PRR14L: variants seen among roughly 807,000 people sequenced by gnomAD.
The protein encoded by PRR14L is protein PRR14L.
A neutral mutation model predicts 155.0 loss-of-function variants in PRR14L; 80 were observed. That is an observed-to-expected ratio of 0.52 (90% CI 0.43 to 0.62). The LOEUF (loss-of-function observed/expected upper bound fraction) is 0.62, where lower values mean the gene tolerates loss of function less well. PRR14L is among the 20% of genes least tolerant of loss of function. The pLI is 0.00. For missense variants in PRR14L, 2,469 were observed against 2,548.0 expected, an observed-to-expected ratio of 0.97 and a Z score of 0.67; for synonymous variants, 883 against 916.0, an observed-to-expected ratio of 0.96 and a Z score of 0.65.
intron 2 of PRR14L, among the ~76,000 whole-genome samples, chr22:31,727,234 C>CTT (rs397831840): frequency 0.01 from 1,413 of 136,712 alleles, 29 homozygotes; most frequent in African/African-American, 0.034. Context: ...AGCCACAATT[C>CTT]TTTTTTTTTT....
chr22:31,706,516 G>C (rs1024728271), intron 4 of PRR14L, among the ~76,000 whole-genome samples: 2 of 148,394 alleles, frequency 1.3e-5, no homozygotes, highest in Admixed American at 1.4e-4. Context: ...CCTCTACCTT[G>C]TGGGTTCAAG....
At chr22:31,734,518 G>A (rs1247324792) in intron 2 of PRR14L, among the ~76,000 whole-genome samples, 2 of 152,150 alleles carry the variant, frequency 1.3e-5, no homozygotes, top group African/African-American at 4.8e-5. Flanking sequence ...TTTTCTGAAA[G>A]GTCTGCAGTG....
Position 31,712,624 on chromosome 22 carries a change from G to C in PRR14L, c.5215C>G (p.Pro1739Ala). The change falls in exon 4 of 9, where the codon CCT becomes GCT. Residue 1739 changes from proline to alanine, a missense_variant. Pro to Ala is a conservative substitution (Grantham distance 27, BLOSUM62 -1). This residue lies in a region of PRR14L where 2,363 missense variants were observed against 2,371.6 expected (regional missense o/e 1.00). Transcript: ENST00000327423. The part of the protein sequence containing the change: ...DCTTESSRTF[P>A]EHCAPARLAL... ...AGCCTTGCCGGAGCACAGTGCTCAG[G>C]AAAAGTCCTTGAGGACTCAGTCGTG... 1 of 1,551,774 alleles carries C rather than the reference G, an allele frequency of 6.4e-7. No individual in the cohort carries two copies. The highest frequency in any genetic ancestry group is 8.7e-7 in the Non-Finnish European group (1 of 1,147,006).
At chr22:31,743,098 C>T (rs1006201399) in intron 1 of PRR14L, among the ~76,000 whole-genome samples, 5 of 151,986 alleles carry the variant, frequency 3.3e-5, no homozygotes, top group African/African-American at 1.2e-4. Flanking sequence ...GTCAGGAGTT[C>T]GAGACCATCC....
chr22:31,714,688 C>T lies in PRR14L; in HGVS notation c.3151G>A (p.Gly1051Ser), dbSNP rs1251970673. The change falls in exon 4 of 9, where the codon GGT (glycine) becomes AGT (serine). Residue 1051 changes from glycine (G) to serine (S), a missense_variant. Gly to Ser is a moderately conservative substitution (Grantham distance 56). Transcript: ENST00000327423. ...KMSGCDESTE[G>S]MVDIVYTDCS... Reference sequence around the variant, plus strand: ...TCCGTGTAGACGATGTCTACCATACCTTCTGTGGACTCATCACAACCAGAC... The same window carrying T: ...TCCGTGTAGACGATGTCTACCATACTTTCTGTGGACTCATCACAACCAGAC... 7.7e-6 allele frequency: 12 copies of T among 1,552,212 alleles called. No individual in the cohort carries two copies. The highest frequency in any genetic ancestry group is 6.1e-6 in the Non-Finnish European group (7 of 1,147,134).
intron 4 of PRR14L, among the ~76,000 whole-genome samples, chr22:31,711,260 GC>G (rs1449113316): frequency 6.6e-6 from 1 of 152,074 alleles, no homozygotes; most frequent in Non-Finnish European, 1.5e-5. Flanking sequence ...ATCACCGGAC[GC>G]CAGGAGTTCA....
chr22:31,691,412 G>A (rs2074511046), intron 7 of PRR14L, among the ~76,000 whole-genome samples: 1 of 151,846 alleles, frequency 6.6e-6, no homozygotes, highest in Non-Finnish European at 1.5e-5. Flanking sequence ...GTAGAGATGT[G>A]GTCTCACTAT....
In PRR14L at chr22:31,730,352, T is replaced by C. The variant is rs889575132; in HGVS notation, c.475-4742A>G. Among the ~76,000 whole-genome samples, 11 of 152,016 alleles carry C rather than the reference T, an allele frequency of 7.2e-5. 1 individual carries two copies. Among genetic ancestry groups the C allele is most frequent in the South Asian group, 4.1e-4 (2 of 4,824 alleles). On this transcript the variant is annotated intron_variant, in intron 2 of 8. Coordinates refer to ENST00000327423, the MANE Select transcript of PRR14L (RefSeq NM_173566.3). ...ACTCAGGAGGCTGAAGCAGAAAAAC[T>C]GTTTGAACCGGGACCCGGGAGGCGA...
intron 3 of PRR14L, among the ~76,000 whole-genome samples, chr22:31,717,741 C>A (rs971272677): frequency 6.6e-6 from 1 of 152,012 alleles, no homozygotes; most frequent in East Asian, 1.9e-4. Flanking sequence ...ACAACTATAC[C>A]TAAAACTTTA....
intron 2 of PRR14L, among the ~76,000 whole-genome samples, chr22:31,733,558 GCCC>G (rs944510673): frequency 6.6e-6 from 1 of 151,992 alleles, no homozygotes; most frequent in Admixed American, 6.6e-5. Flanking sequence ...ACCCGCCTCG[GCCC>G]CCCGAAGCGC....
At chr22:31,737,626 A>G (rs990348666) in intron 2 of PRR14L, among the ~76,000 whole-genome samples, 1 of 141,058 alleles carries the variant, frequency 7.1e-6, no homozygotes, top group Non-Finnish European at 1.6e-5. Flanking sequence ...TGCCTCTATT[A>G]AAAAAAAAAA....
In PRR14L at chr22:31,738,382, C is replaced by T; in HGVS notation, c.474+5G>A. ...ACTCTTCGGAATGGAGATTTCATTT[C>T]TTACCTGACTCGGGCTAGTCTTTTC... On this transcript the variant is annotated splice_donor_5th_base_variant and intron_variant, in intron 2 of 8. Transcript: ENST00000327423. The T allele has an allele frequency of 6.5e-7, 1 of 1,549,896 alleles. No individual in the cohort carries two copies. The highest frequency in any genetic ancestry group is 8.7e-7 in the Non-Finnish European group (1 of 1,145,438).
chr22:31,713,742 C>A lies in PRR14L; in HGVS notation c.4097G>T (p.Gly1366Val). ...CTGAGAGATGTTGCTCACGGGATCGCCATCGCCAGTTTCTCTGGTAACCAA... is the reference window on the plus strand; with the variant it reads ...CTGAGAGATGTTGCTCACGGGATCGACATCGCCAGTTTCTCTGGTAACCAA... ...EELVTRETGD[G>V]DPVSNISQTH... Residue 1366 changes from glycine to valine, a missense_variant, in exon 4 of 9, where the codon GGC becomes GTC. Around this residue, in one of 2 missense-constraint regions of PRR14L, gnomAD observed 2,363 missense variants for 2,371.6 expected, o/e 1.00. Coordinates refer to ENST00000327423, the MANE Select transcript of PRR14L (RefSeq NM_173566.3). 6.4e-7 allele frequency: 1 copy of A among 1,552,364 alleles called. No individual in the cohort carries two copies. The highest frequency in any genetic ancestry group is 8.7e-7 in the Non-Finnish European group (1 of 1,147,144).
intron 4 of PRR14L, among the ~76,000 whole-genome samples, chr22:31,708,917 C>T (rs1294208819): frequency 6.6e-6 from 1 of 152,142 alleles, no homozygotes; most frequent in Non-Finnish European, 1.5e-5. Context: ...ACCTCCAACT[C>T]CTGGGTTTAA....
intron 3 of PRR14L, among the ~76,000 whole-genome samples, chr22:31,725,192 C>T (rs570658528): frequency 2.6e-5 from 4 of 152,100 alleles, no homozygotes; most frequent in South Asian, 2.1e-4. Context: ...CCCAGGAGTT[C>T]GAGACCAGCC....
chr22:31,707,409 C>T (rs1454268866), intron 4 of PRR14L, among the ~76,000 whole-genome samples: 1 of 152,118 alleles, frequency 6.6e-6, no homozygotes, highest in African/African-American at 2.4e-5. Flanking sequence ...GAGACGGAGA[C>T]TCGCTCTGTC....
intron 4 of PRR14L, 131 bp downstream of exon 4, chr22:31,711,952 G>C (rs1046633709): frequency 3.6e-6 from 3 of 827,926 alleles, no homozygotes; most frequent in Non-Finnish European, 5.5e-6. Flanking sequence ...CAGAGATTTC[G>C]CAAGGTAAAT....
intron 2 of PRR14L, among the ~76,000 whole-genome samples, chr22:31,737,794 C>T (rs541713835): frequency 1.3e-5 from 2 of 152,136 alleles, no homozygotes; most frequent in South Asian, 2.1e-4. Context: ...GGGTGGATTA[C>T]TTGAAGTCAG....
intron 3 of PRR14L, among the ~76,000 whole-genome samples, chr22:31,720,379 T>A (rs1251523314): frequency 6.6e-6 from 1 of 152,174 alleles, no homozygotes; most frequent in African/African-American, 2.4e-5. Context: ...ACAATACTTA[T>A]CATTGTGAAA....
Sources: gnomAD v4.1 joint callset for allele counts (sites outside exome capture counted in the v4.1 genomes callset) on GRCh38, gnomAD v4.1.1 for gene constraint, gnomAD v4.1.1 regional missense constraint, MANE v1.5 for transcripts, NCBI Gene and HGNC (gene_info 2026-07-23, HGNC 2026-07-21) for gene names.